RPS6KC1: variants seen among roughly 807,000 people sequenced by gnomAD.
The protein encoded by RPS6KC1 is inactive ribosomal protein S6 kinase delta-1.
RPS6KC1 carries 54 observed loss-of-function variants against 103.8 expected under a neutral mutation model. The ratio of observed to expected loss-of-function variants is 0.52; its 90% CI spans 0.42 to 0.65. The LOEUF (loss-of-function observed/expected upper bound fraction) is 0.65. Among genes scored for constraint, RPS6KC1 ranks in the 30% least tolerant of loss-of-function variants. The pLI is 0.00. For missense variants in RPS6KC1, 1,151 were observed against 1,253.8 expected (o/e 0.92, Z 1.24); for synonymous variants, 439 against 438.7 (o/e 1.00, Z -0.01).
At chr1:213,448,512 G>C in the RPS6KC1 span, among the ~76,000 whole-genome samples, 1 of 152,066 alleles carries the variant, frequency 6.6e-6, no homozygotes, top group Non-Finnish European at 1.5e-5. Flanking sequence ...CAGAAACAGA[G>C]CCTCAAGCCT....
intron 3 of RPS6KC1, among the ~76,000 whole-genome samples, chr1:213,091,224 A>AT (rs935326258): frequency 2.0e-5 from 3 of 150,832 alleles, no homozygotes; most frequent in African/African-American, 7.3e-5. Flanking sequence ...CGCCCAGCTA[A>AT]TTTTTTTTTG....
At chr1:213,128,336 CAT>C (rs1253505833) in intron 5 of RPS6KC1, among the ~76,000 whole-genome samples, 1 of 152,138 alleles carries the variant, frequency 6.6e-6, no homozygotes, top group Non-Finnish European at 1.5e-5. Flanking sequence ...ATTATGTTAA[CAT>C]GTAATGGGGC....
At chr1:213,555,629 A>C in the RPS6KC1 span, among the ~76,000 whole-genome samples, 1 of 152,108 alleles carries the variant, frequency 6.6e-6, no homozygotes, top group Admixed American at 6.6e-5. Context: ...ACTAGTCGTG[A>C]ATAGTAATAT....
At chr1:213,381,922 A>G in the RPS6KC1 span, among the ~76,000 whole-genome samples, 2 of 152,172 alleles carry the variant, frequency 1.3e-5, no homozygotes, top group East Asian at 3.9e-4. Context: ...CTTCTGTGAG[A>G]AGTTGTGTTT....
chr1:213,493,657 A>C, the RPS6KC1 span, among the ~76,000 whole-genome samples: 1 of 152,240 alleles, frequency 6.6e-6, no homozygotes, highest in Non-Finnish European at 1.5e-5. Context: ...GGGAGTTGAT[A>C]TCTTCTCTTC....
the RPS6KC1 span, among the ~76,000 whole-genome samples, chr1:213,599,472 G>C: frequency 4.6e-5 from 7 of 151,894 alleles, no homozygotes; most frequent in Non-Finnish European, 7.4e-5. Flanking sequence ...TAGAACGAGG[G>C]GGGGAAAAAC....
At chr1:213,627,085 A>G in the RPS6KC1 span, among the ~76,000 whole-genome samples, 1 of 152,080 alleles carries the variant, frequency 6.6e-6, no homozygotes, top group Non-Finnish European at 1.5e-5. Flanking sequence ...ATTTGTTTGT[A>G]TCCTCTTTTA....
the RPS6KC1 span, among the ~76,000 whole-genome samples, chr1:213,309,133 A>C: frequency 3.9e-5 from 6 of 152,090 alleles, no homozygotes; most frequent in African/African-American, 7.2e-5. Context: ...CTACTAAAAA[A>C]AAAATACAAA....
At chr1:213,390,665 T>G in the RPS6KC1 span, among the ~76,000 whole-genome samples, 80,940 of 152,012 alleles carry the variant, frequency 0.53, 25,068 homozygotes, top group East Asian at 0.96. Flanking sequence ...CAATATTTGG[T>G]GCATCTACCC....
chr1:213,515,944 A>G, the RPS6KC1 span, among the ~76,000 whole-genome samples: 61 of 98,362 alleles, frequency 6.2e-4, no homozygotes, highest in African/African-American at 1.6e-3. Flanking sequence ...GAGGTCCTTC[A>G]CATCCCTTGT....
intron 12 of RPS6KC1, among the ~76,000 whole-genome samples, chr1:213,255,265 G>A (rs143565435): frequency 6.6e-6 from 1 of 151,664 alleles, no homozygotes; most frequent in African/African-American, 2.4e-5. Flanking sequence ...GGTCGAGGCT[G>A]CAGTGAGTCA....
At chr1:213,548,448 G>A in the RPS6KC1 span, among the ~76,000 whole-genome samples, 2 of 152,118 alleles carry the variant, frequency 1.3e-5, no homozygotes, top group Admixed American at 6.5e-5. Context: ...GGATCACGAG[G>A]TCAAGAGATC....
chr1:213,563,548 G>GA, the RPS6KC1 span, among the ~76,000 whole-genome samples: 7 of 151,930 alleles, frequency 4.6e-5, no homozygotes. Flanking sequence ...ACTTTATTTG[G>GA]AGTTGATCAA....
chr1:213,374,755 T>C, the RPS6KC1 span, among the ~76,000 whole-genome samples: 1 of 152,122 alleles, frequency 6.6e-6, no homozygotes, highest in East Asian at 1.9e-4. Context: ...GATCCCAGAA[T>C]GGCTGGAATG....
chr1:213,114,904 C>A (rs1230827648), intron 4 of RPS6KC1, among the ~76,000 whole-genome samples: 1 of 152,066 alleles, frequency 6.6e-6, no homozygotes, highest in Non-Finnish European at 1.5e-5. Flanking sequence ...GGATGAAGCC[C>A]ACTTGATCAT....
the RPS6KC1 span, among the ~76,000 whole-genome samples, chr1:213,317,692 G>A: frequency 6.6e-6 from 1 of 152,220 alleles, no homozygotes; most frequent in Non-Finnish European, 1.5e-5. Context: ...TGAAGAGTGT[G>A]GCATTGAGCT....
chr1:213,186,209 T>G (rs1573102092), intron 8 of RPS6KC1, among the ~76,000 whole-genome samples: 2 of 148,312 alleles, frequency 1.3e-5, no homozygotes, highest in African/African-American at 5.0e-5. Flanking sequence ...TTTTTAAACC[T>G]TTTTTTTTTC....
chr1:213,466,503 A>G, the RPS6KC1 span, among the ~76,000 whole-genome samples: 1 of 152,172 alleles, frequency 6.6e-6, no homozygotes, highest in Non-Finnish European at 1.5e-5. Context: ...CTTGCTGAGG[A>G]GAATGGAGTT....
At chr1:213,622,478 A>T in the RPS6KC1 span, among the ~76,000 whole-genome samples, 7 of 151,962 alleles carry the variant, frequency 4.6e-5, no homozygotes, top group African/African-American at 1.7e-4. Flanking sequence ...TACAGACTAA[A>T]TTCCATTCGG....
Sources: gnomAD v4.1 joint callset for allele counts (sites outside exome capture counted in the v4.1 genomes callset) on GRCh38, gnomAD v4.1.1 for gene constraint, MANE v1.5 for transcripts, NCBI Gene and HGNC (gene_info 2026-07-23, HGNC 2026-07-21) for gene names.